The following SHANK2 variants were observed in gnomAD, a reference collection of about 807,000 sequenced individuals.
SHANK2 encodes the protein SH3 and multiple ankyrin repeat domains 2.
In SHANK2, 43 loss-of-function variants were observed where a neutral mutation model predicts 133.7. That is an observed-to-expected ratio of 0.32 (90% CI 0.25 to 0.41). The LOEUF is 0.41. Ranked by LOEUF, SHANK2 falls within the 10% of genes least tolerant of loss-of-function variation. The pLI, the probability that SHANK2 is intolerant of heterozygous loss-of-function variation, is 1.00. For missense variants in SHANK2, 1,994 were observed against 2,235.8 expected (o/e 0.89, Z 2.18); for synonymous variants, 1,017 against 952.8 (o/e 1.07, Z -1.24).
At chr11:70,576,614 G>C (rs1336018116) in intron 17 of SHANK2, among the ~76,000 whole-genome samples, 3 of 152,234 alleles carry the variant, frequency 2.0e-5, no homozygotes, top group Non-Finnish European at 4.4e-5. Flanking sequence ...TGCAGCCTCG[G>C]CGACAGAGCG....
At chr11:70,650,423 C>T (rs1213808558) in intron 17 of SHANK2, among the ~76,000 whole-genome samples, 1 of 152,190 alleles carries the variant, frequency 6.6e-6, no homozygotes, top group Non-Finnish European at 1.5e-5. Flanking sequence ...TGCATCCAAT[C>T]CTCCCAGCTG....
intron 25 of SHANK2, among the ~76,000 whole-genome samples, chr11:70,475,721 C>A (rs2058654356): frequency 1.3e-5 from 2 of 152,186 alleles, no homozygotes; most frequent in Admixed American, 6.5e-5. Context: ...GGACCCCATC[C>A]ACCCATAGGG....
intron 9 of SHANK2, among the ~76,000 whole-genome samples, chr11:71,061,627 G>T (rs1266925796): frequency 1.3e-5 from 2 of 152,160 alleles, no homozygotes; most frequent in Non-Finnish European, 2.9e-5. Context: ...TCCCTGGAAA[G>T]TAACCCCTGA....
At chr11:70,937,447 T>G (rs7103333) in intron 10 of SHANK2, among the ~76,000 whole-genome samples, 6,892 of 152,266 alleles carry the variant, frequency 0.045, 534 homozygotes, top group African/African-American at 0.16. Context: ...GACCTTCGGA[T>G]GATGGACAAG....
In SHANK2 at chr11:70,798,487, T is replaced by C. The variant is rs1317038468; in HGVS notation, c.1733A>G (p.Glu578Gly). The C allele has an allele frequency of 4.2e-6, 3 of 718,378 alleles. No individual in the cohort carries two copies. Among genetic ancestry groups the C allele is most frequent in the African/African-American group, 1.7e-5 (1 of 57,242 alleles). The allele number at this position is 718,378 out of a possible 1,614,324, so 44.5% of individuals were successfully genotyped here. A position where few individuals can be genotyped will look rare whatever the true frequency, so the allele number is the denominator to read the frequency against. ...CTTACACTGGACCTCCTCCACGCAC[T>C]CCGCCGGAAACCATCCGATGTGGCC... is the stretch of plus-strand genomic sequence containing the variant. Reference protein sequence around the residue: ...ARGHIGWFPAECVEEVQCKPR... With the variant: ...ARGHIGWFPAGCVEEVQCKPR... Residue 578 changes from glutamate (E) to glycine (G), a missense_variant, in exon 14 of 26, where the codon GAG becomes GGG. This residue lies in a region of SHANK2 where 653 missense variants were observed against 563.4 expected (regional missense o/e 1.16). Coordinates refer to ENST00000601538, the MANE Select transcript of SHANK2 (RefSeq NM_012309.5).
At chr11:71,198,169 G>A (rs1182690531) in intron 2 of SHANK2, among the ~76,000 whole-genome samples, 10 of 151,976 alleles carry the variant, frequency 6.6e-5, no homozygotes, top group Non-Finnish European at 1.2e-4. Flanking sequence ...GGTTGGTCTC[G>A]AATTCTTGTG....
rs1269346716 is a variant in SHANK2, at chr11:70,933,069, T to A, written c.1108-36502A>T. 1.1e-5 allele frequency: 5 copies of A among 454,738 alleles called. No individual in the cohort carries two copies. In the East Asian group the frequency reaches 3.5e-4, roughly 32 times the overall value. The allele number at this position is 454,738 out of a possible 1,614,324, so 28.2% of individuals were successfully genotyped here. A position where few individuals can be genotyped will look rare whatever the true frequency, so the allele number is the denominator to read the frequency against. ...TCCAACAGGTATTTGCACACTCATG[T>A]CCACAGCAGCATGATTCACACTAGC... On this transcript the variant is annotated intron_variant, in intron 10 of 25. Coordinates refer to ENST00000601538, the MANE Select transcript of SHANK2 (RefSeq NM_012309.5).
intron 6 of SHANK2, among the ~76,000 whole-genome samples, chr11:71,109,490 G>A (rs117335612): frequency 0.015 from 2,344 of 152,338 alleles, 26 homozygotes; most frequent in Non-Finnish European, 0.026. Context: ...CCAGAGGCCC[G>A]CACTCATGAG....
intron 2 of SHANK2, among the ~76,000 whole-genome samples, chr11:71,211,207 T>G (rs1460207150): frequency 1.3e-5 from 2 of 151,290 alleles, no homozygotes; most frequent in Admixed American, 1.3e-4. Context: ...TTTTTTTTTT[T>G]TTTTTTGGAA....
chr11:70,499,765 C>T (rs1435486314), intron 21 of SHANK2, among the ~76,000 whole-genome samples: 37 of 152,218 alleles, frequency 2.4e-4, no homozygotes, highest in Admixed American at 2.4e-3. Flanking sequence ...CCCGGGGCTG[C>T]TGCAGAGAGG....
At chr11:70,840,413 AG>A (rs1948885294) in intron 11 of SHANK2, among the ~76,000 whole-genome samples, 1 of 152,136 alleles carries the variant, frequency 6.6e-6, no homozygotes, top group African/African-American at 2.4e-5. Flanking sequence ...ATATATCAAA[AG>A]GAGGCTAGAA....
In SHANK2 at chr11:70,505,867, G is replaced by A. The variant is rs558009453; in HGVS notation, c.2062-2936C>T. On this transcript the variant is annotated intron_variant, in intron 17 of 25. Coordinates refer to ENST00000601538, the MANE Select transcript of SHANK2 (RefSeq NM_012309.5). ...AGCCTGCTAACCATCACGGCCTTGG[G>A]CTCACTCCCTAGAATCCTCATCCTC... 2.8e-4 allele frequency among the ~76,000 whole-genome samples: 43 copies of A among 152,206 alleles called. 1 individual carries two copies. The highest frequency in any genetic ancestry group is 9.6e-4 in the African/African-American group (40 of 41,468).
chr11:71,154,402 G>A (rs1952859136), intron 2 of SHANK2, among the ~76,000 whole-genome samples: 1 of 152,212 alleles, frequency 6.6e-6, no homozygotes, highest in African/African-American at 2.4e-5. Context: ...AGGGTGGGCT[G>A]CCAGCCAGTC....
At chr11:70,725,101 G>T (rs141173788) in intron 14 of SHANK2, among the ~76,000 whole-genome samples, 83 of 152,262 alleles carry the variant, frequency 5.5e-4, no homozygotes, top group African/African-American at 1.5e-3. Flanking sequence ...TGATTCTTTG[G>T]GGGGGAAAAC....
intron 14 of SHANK2, among the ~76,000 whole-genome samples, chr11:70,781,696 TTTACA>T (rs2135115803): frequency 6.8e-6 from 1 of 147,580 alleles, no homozygotes; most frequent in South Asian, 2.2e-4. Context: ...TAACTCGTCA[TTTACA>T]TTAGGTATAT....
At chr11:70,736,752 G>A (rs894817133) in intron 14 of SHANK2, among the ~76,000 whole-genome samples, 11 of 151,796 alleles carry the variant, frequency 7.2e-5, no homozygotes, top group Admixed American at 6.6e-5. Context: ...GCGGCTCCCC[G>A]CCACGCACCC....
intron 11 of SHANK2, among the ~76,000 whole-genome samples, chr11:70,861,629 A>G (rs1316997123): frequency 6.6e-6 from 1 of 152,130 alleles, no homozygotes; most frequent in Admixed American, 6.5e-5. Context: ...CTCCTCTACG[A>G]GCCAGTTAAC....
intron 14 of SHANK2, among the ~76,000 whole-genome samples, chr11:70,785,225 G>A (rs1460770353): frequency 6.6e-6 from 1 of 152,076 alleles, no homozygotes; most frequent in African/African-American, 2.4e-5. Context: ...AGACCCCTGG[G>A]GGCGCCTGGG....
chr11:70,768,671 G>A (rs1185070720), intron 14 of SHANK2, among the ~76,000 whole-genome samples: 1 of 152,240 alleles, frequency 6.6e-6, no homozygotes, highest in African/African-American at 2.4e-5. Context: ...CCATTTGCAG[G>A]AGGTTTTCCA....
Sources: allele counts gnomAD v4.1 joint callset (sites outside exome capture counted in the v4.1 genomes callset), GRCh38; gene constraint gnomAD v4.1.1; regional missense constraint gnomAD v4.1.1; transcripts MANE v1.5; gene names NCBI Gene and HGNC (gene_info 2026-07-23, HGNC 2026-07-21).